The following KCTD8 variants were observed in gnomAD, a reference collection of about 807,000 sequenced individuals.
The protein encoded by KCTD8 is BTB/POZ domain-containing protein KCTD8.
A neutral mutation model predicts 31.5 loss-of-function variants in KCTD8; 27 were observed. The ratio of observed to expected loss-of-function variants is 0.86; its 90% CI spans 0.63 to 1.18. The LOEUF (loss-of-function observed/expected upper bound fraction) is 1.18, where lower values mean the gene tolerates loss of function less well. Ranked by LOEUF, KCTD8 falls within the 50% of genes most tolerant of loss-of-function variation. KCTD8 has a pLI of 0.00. For missense variants in KCTD8, 658 were observed against 647.7 expected (o/e 1.02, Z -0.17); for synonymous variants, 290 against 280.0 (o/e 1.04, Z -0.36).
chr4:44,245,636 T>C (rs1715641758), intron 1 of KCTD8, among the ~76,000 whole-genome samples: 1 of 151,996 alleles, frequency 6.6e-6, no homozygotes, highest in Admixed American at 6.6e-5. Context: ...TAAAGGAGAC[T>C]ATCAAGAAAA....
At chr4:44,351,434 T>C (rs1023362541) in intron 1 of KCTD8, among the ~76,000 whole-genome samples, 7 of 152,248 alleles carry the variant, frequency 4.6e-5, no homozygotes, top group Admixed American at 1.3e-4. Context: ...GAAACCAAAT[T>C]AGATTTCCAT....
chr4:44,405,557 C>T (rs189841128), intron 1 of KCTD8, among the ~76,000 whole-genome samples: 250 of 152,012 alleles, frequency 1.6e-3, no homozygotes, highest in South Asian at 0.01. Context: ...CGTGAGCCAC[C>T]GCACCCGGCC....
At chr4:44,218,863 T>C (rs76745375) in intron 1 of KCTD8, among the ~76,000 whole-genome samples, 4,649 of 152,210 alleles carry the variant, frequency 0.031, 241 homozygotes, top group African/African-American at 0.11. Flanking sequence ...TTCATGAAAC[T>C]GTAACCAGAT....
intron 1 of KCTD8, among the ~76,000 whole-genome samples, chr4:44,327,718 C>G (rs1024429885): frequency 6.6e-6 from 1 of 151,630 alleles, no homozygotes; most frequent in African/African-American, 2.4e-5. Context: ...CCAGATTTTC[C>G]ACCATCTAGC....
chr4:44,181,294 G>C (rs1015849698), intron 1 of KCTD8, among the ~76,000 whole-genome samples: 2 of 151,234 alleles, frequency 1.3e-5, no homozygotes, highest in African/African-American at 4.9e-5. Flanking sequence ...CTCTGATGCC[G>C]AGCCGAGGCT....
At position 44,222,600 on chromosome 4, in the gene KCTD8, C is replaced by G. The variant is rs1714838742; in HGVS notation, c.962-47350G>C. ...TACCTGAGTGCCTGCTGTCCTGCAT[C>G]ATCTTTCAGAGAGTAAAAACAATGT... is the stretch of plus-strand genomic sequence containing the variant. On this transcript the variant is annotated intron_variant, in intron 1 of 1. Transcript: ENST00000360029. 2.0e-5 allele frequency among the ~76,000 whole-genome samples: 3 copies of G among 152,300 alleles called. No homozygotes were observed. The South Asian group carries it at 6.2e-4, about 32-fold the overall frequency.
intron 1 of KCTD8, among the ~76,000 whole-genome samples, chr4:44,303,274 G>A (rs1484604686): frequency 6.6e-6 from 1 of 152,028 alleles, no homozygotes; most frequent in Non-Finnish European, 1.5e-5. Context: ...CTATTGATTG[G>A]AATAGTTTCA....
chr4:44,190,913 C>CA (rs1713746268), intron 1 of KCTD8, among the ~76,000 whole-genome samples: 1 of 152,154 alleles, frequency 6.6e-6, no homozygotes, highest in South Asian at 2.1e-4. Context: ...TTATTAGATG[C>CA]AAATACCCTT....
intron 1 of KCTD8, among the ~76,000 whole-genome samples, chr4:44,234,791 C>G (rs917731548): frequency 2.0e-5 from 3 of 152,166 alleles, no homozygotes; most frequent in African/African-American, 7.2e-5. Flanking sequence ...TCTTTACATT[C>G]CTATGGGAGC....
chr4:44,366,701 C>T (rs1356300859), intron 1 of KCTD8, among the ~76,000 whole-genome samples: 2 of 152,172 alleles, frequency 1.3e-5, no homozygotes, highest in East Asian at 1.9e-4. Flanking sequence ...ATTGTAGCCA[C>T]AGTTCCTTGT....
chr4:44,341,341 C>A (rs1718892108), intron 1 of KCTD8, among the ~76,000 whole-genome samples: 1 of 152,082 alleles, frequency 6.6e-6, no homozygotes. Flanking sequence ...GTGGCTGGAG[C>A]AATTTCTTCA....
chr4:44,288,635 T>C (rs189566037), intron 1 of KCTD8, among the ~76,000 whole-genome samples: 1 of 152,230 alleles, frequency 6.6e-6, no homozygotes, highest in African/African-American at 2.4e-5. Context: ...GGTAACTTTT[T>C]CTTTTCATGA....
chr4:44,407,161 T>G (rs1270044341), intron 1 of KCTD8, among the ~76,000 whole-genome samples: 3 of 152,122 alleles, frequency 2.0e-5, no homozygotes. Flanking sequence ...ATTCTTCCAA[T>G]TATTTAAAAC....
chr4:44,388,003 TAAAC>T (rs1265242528), intron 1 of KCTD8, among the ~76,000 whole-genome samples: 2 of 117,874 alleles, frequency 1.7e-5, no homozygotes, highest in African/African-American at 3.2e-5. Context: ...ATAAAGAACT[TAAAC>T]AAATTTACAA....
intron 1 of KCTD8, among the ~76,000 whole-genome samples, chr4:44,257,364 C>G (rs765537571): frequency 2.6e-5 from 4 of 151,816 alleles, no homozygotes; most frequent in Admixed American, 2.0e-4. Flanking sequence ...ATAAGTTAAT[C>G]GAAAATATTA....
At chr4:44,327,574 G>A (rs1412774938) in intron 1 of KCTD8, among the ~76,000 whole-genome samples, 7 of 151,584 alleles carry the variant, frequency 4.6e-5, no homozygotes, top group Non-Finnish European at 8.8e-5. Context: ...GAAGAACACC[G>A]AAGTCTGAGA....
intron 1 of KCTD8, among the ~76,000 whole-genome samples, chr4:44,269,486 A>T (rs573058474): frequency 1.3e-5 from 2 of 151,450 alleles, no homozygotes; most frequent in African/African-American, 4.9e-5. Flanking sequence ...ATGGGCAAGG[A>T]CTTCATGTCT....
At chr4:44,364,267 C>T (rs1008319512) in intron 1 of KCTD8, among the ~76,000 whole-genome samples, 3 of 151,980 alleles carry the variant, frequency 2.0e-5, no homozygotes, top group African/African-American at 4.8e-5. Flanking sequence ...TTTTTAAAGA[C>T]AGTTAAAATA....
At chr4:44,436,202 G>A (rs1365159774) in intron 1 of KCTD8, among the ~76,000 whole-genome samples, 1 of 151,998 alleles carries the variant, frequency 6.6e-6, no homozygotes, top group African/African-American at 2.4e-5. Context: ...AAAAACAAAA[G>A]AAGTTGAATA....
Sources: gnomAD v4.1 joint callset for allele counts (sites outside exome capture counted in the v4.1 genomes callset) on GRCh38, gnomAD v4.1.1 for gene constraint, MANE v1.5 for transcripts, NCBI Gene and HGNC (gene_info 2026-07-23, HGNC 2026-07-21) for gene names.